SHANK2: variants seen among roughly 807,000 people sequenced by gnomAD.
SHANK2 encodes the protein SH3 and multiple ankyrin repeat domains 2.
Under a neutral mutation model 133.7 loss-of-function variants are expected in SHANK2, and 43 were observed. The ratio of observed to expected loss-of-function variants is 0.32; its 90% CI spans 0.25 to 0.41. SHANK2 has a LOEUF of 0.41. Among genes scored for constraint, SHANK2 ranks in the 10% least tolerant of loss-of-function variants. The pLI, the probability that SHANK2 is intolerant of heterozygous loss-of-function variation, is 1.00. For missense variants in SHANK2, 1,994 were observed against 2,235.8 expected (o/e 0.89, Z 2.18); for synonymous variants, 1,017 against 952.8 (o/e 1.07, Z -1.24).
chr11:70,673,259 G>T (rs568083375), intron 15 of SHANK2, among the ~76,000 whole-genome samples: 1 of 151,450 alleles, frequency 6.6e-6, no homozygotes, highest in Non-Finnish European at 1.5e-5. Flanking sequence ...TCACACTGAA[G>T]CCTCAGCCTT....
At chr11:70,726,956 C>A (rs1946192360) in intron 14 of SHANK2, among the ~76,000 whole-genome samples, 2 of 152,246 alleles carry the variant, frequency 1.3e-5, no homozygotes, top group South Asian at 4.1e-4. Context: ...TGAGAGCTCA[C>A]CAACTGCCAC....
chr11:70,770,492 C>A (rs923999005), intron 14 of SHANK2, among the ~76,000 whole-genome samples: 4 of 152,230 alleles, frequency 2.6e-5, no homozygotes, highest in Admixed American at 1.3e-4. Context: ...TGGACAGAAG[C>A]CACTGTGCCT....
chr11:71,138,535 G>C (rs1311888019), intron 3 of SHANK2, among the ~76,000 whole-genome samples: 1 of 152,064 alleles, frequency 6.6e-6, no homozygotes, highest in Admixed American at 6.6e-5. Flanking sequence ...AAGCATATCC[G>C]GCCGGGCGCG....
At chr11:70,598,447 TA>T in intron 17 of SHANK2, among the ~76,000 whole-genome samples, 1 of 152,302 alleles carries the variant, frequency 6.6e-6, no homozygotes, top group African/African-American at 2.4e-5. Flanking sequence ...AATCCTTTCA[TA>T]AAGAAAACAT....
chr11:70,780,267 T>G (rs1167895156), intron 14 of SHANK2, among the ~76,000 whole-genome samples: 1 of 152,066 alleles, frequency 6.6e-6, no homozygotes, highest in Non-Finnish European at 1.5e-5. Context: ...AAAGCAATAA[T>G]GACCAGAGAA....
chr11:71,242,392 A>G (rs1330600758), intron 1 of SHANK2, among the ~76,000 whole-genome samples: 1 of 152,226 alleles, frequency 6.6e-6, no homozygotes, highest in East Asian at 1.9e-4. Flanking sequence ...TTTTTATGTT[A>G]TAGGTATTTT....
chr11:70,725,399 G>A (rs563762007), intron 14 of SHANK2, among the ~76,000 whole-genome samples: 6 of 152,348 alleles, frequency 3.9e-5, no homozygotes, highest in Non-Finnish European at 7.3e-5. Flanking sequence ...GGGACAGGAA[G>A]GCACATGGCG....
Position 70,473,108 on chromosome 11 carries a change from G to C in SHANK2, c.5311C>G (p.Gln1771Glu). ...SRSPSPSILQ[Q>E]PISNKPFTTK... ...GTAAAAGGCTTATTTGAGATTGGCT[G>C]TTGCAGTATCGAGGGGGATGGCGAC... The change falls in exon 26 of 26, where the codon CAG (glutamine) becomes GAG (glutamate). Residue 1771 changes from glutamine to glutamate, a missense_variant. Physicochemically the swap from Gln to Glu is conservative, Grantham distance 29 (BLOSUM62 2). Coordinates refer to ENST00000601538, the MANE Select transcript of SHANK2 (RefSeq NM_012309.5). The surrounding 1 kb of genome is among the most constrained non-coding windows in gnomAD (Gnocchi z 5.9). 1.2e-6 allele frequency: 2 copies of C among 1,614,268 alleles called. No individual in the cohort carries two copies. The highest frequency in any genetic ancestry group is 1.7e-6 in the Non-Finnish European group (2 of 1,180,056).
At position 70,918,338 on chromosome 11, in the gene SHANK2, T is replaced by C. The variant is rs537818789; in HGVS notation, c.1108-21771A>G. 1.8e-4 allele frequency among the ~76,000 whole-genome samples: 27 copies of C among 152,300 alleles called. No individual in the cohort carries two copies. In the South Asian group the frequency reaches 5.0e-3, roughly 28 times the overall value. On this transcript the variant is annotated intron_variant, in intron 10 of 25. Transcript: ENST00000601538. Reference sequence around the variant, plus strand: ...TACCCTCTCCACGGAGAGAGGCCGATTGGTATCAATTTTATTGATACAATT... The same window carrying C: ...TACCCTCTCCACGGAGAGAGGCCGACTGGTATCAATTTTATTGATACAATT...
At chr11:70,881,310 G>A (rs1278261142) in intron 11 of SHANK2, among the ~76,000 whole-genome samples, 1 of 152,084 alleles carries the variant, frequency 6.6e-6, no homozygotes, top group Non-Finnish European at 1.5e-5. Flanking sequence ...GCCTCCCAAA[G>A]TACAGGGATT....
intron 14 of SHANK2, among the ~76,000 whole-genome samples, chr11:70,717,814 G>GGA (rs1555027795): frequency 6.8e-6 from 1 of 146,496 alleles, no homozygotes; most frequent in Non-Finnish European, 1.5e-5. Flanking sequence ...AATTCAACAG[G>GGA]AAAAAAAAAA....
chr11:70,809,218 AG>A (rs1555052697), intron 12 of SHANK2, among the ~76,000 whole-genome samples: 1 of 152,192 alleles, frequency 6.6e-6, no homozygotes, highest in African/African-American at 2.4e-5. Flanking sequence ...ATCCTCCAAC[AG>A]GGCGCCTGGC....
At chr11:71,203,955 C>G (rs554834908) in intron 2 of SHANK2, among the ~76,000 whole-genome samples, 1 of 152,300 alleles carries the variant, frequency 6.6e-6, no homozygotes, top group South Asian at 2.1e-4. Flanking sequence ...ACACGGAAAG[C>G]GGGCGCCTGG....
chr11:70,704,454 C>T (rs1565255291), intron 14 of SHANK2, among the ~76,000 whole-genome samples: 1 of 152,288 alleles, frequency 6.6e-6, no homozygotes, highest in South Asian at 2.1e-4. Context: ...AGCAGCCCAC[C>T]CGGCACACAG....
chr11:70,499,387 C>G (rs1555157863), intron 21 of SHANK2, among the ~76,000 whole-genome samples: 1 of 152,240 alleles, frequency 6.6e-6, no homozygotes, highest in Non-Finnish European at 1.5e-5. Flanking sequence ...TGATGCCACC[C>G]TGGGGGAGGA....
chr11:71,073,147 CTTTTTTTTCTTTTTTTTCTTTTTTTTT>C (rs1171282098), intron 9 of SHANK2, among the ~76,000 whole-genome samples: 14 of 62,716 alleles, frequency 2.2e-4, no homozygotes, highest in Admixed American at 2.1e-3. Context: ...TTTTTCTTTT[CTTTTTTTTCTTTTTTTTCTTTTTTTTT>C]TTGAGATAGA....
chr11:71,101,656 G>T (rs1283243093), intron 6 of SHANK2, among the ~76,000 whole-genome samples: 1 of 152,188 alleles, frequency 6.6e-6, no homozygotes, highest in African/African-American at 2.4e-5. Flanking sequence ...TTCATTCAGG[G>T]GCCAACGTGA....
At chr11:71,172,180 C>A (rs1000468611) in intron 2 of SHANK2, among the ~76,000 whole-genome samples, 1 of 152,134 alleles carries the variant, frequency 6.6e-6, no homozygotes, top group African/African-American at 2.4e-5. Flanking sequence ...CAAGGGAAGC[C>A]CTCAAAACAT....
intron 15 of SHANK2, among the ~76,000 whole-genome samples, chr11:70,688,152 C>G (rs1298431220): frequency 6.6e-6 from 1 of 152,190 alleles, no homozygotes; most frequent in Non-Finnish European, 1.5e-5. Context: ...TTACCCCAAC[C>G]TGAAGACCAA....
Sources: gnomAD v4.1 joint callset for allele counts (sites outside exome capture counted in the v4.1 genomes callset) on GRCh38, gnomAD v4.1.1 for gene constraint, Gnocchi (gnomAD v3.1) non-coding constraint, MANE v1.5 for transcripts, NCBI Gene and HGNC (gene_info 2026-07-23, HGNC 2026-07-21) for gene names.